FGF14: variants seen among roughly 807,000 people sequenced by gnomAD.
The protein encoded by FGF14 is fibroblast growth factor homologous factor 4.
In FGF14, 5 loss-of-function variants were observed where a neutral mutation model predicts 25.5. The observed-to-expected ratio is 0.20, with a 90% CI of 0.10 to 0.41. FGF14 has a LOEUF of 0.41. Among genes scored for constraint, FGF14 ranks in the 10% least tolerant of loss-of-function variants. The pLI, the probability that FGF14 is intolerant of heterozygous loss-of-function variation, is 1.00. For missense variants in FGF14, 222 were observed against 320.1 expected, an observed-to-expected ratio of 0.69 and a Z score of 2.34; for synonymous variants, 138 against 118.3, an observed-to-expected ratio of 1.17 and a Z score of -1.08.
At chr13:101,970,562 C>T (rs1009485291) in intron 1 of FGF14, among the ~76,000 whole-genome samples, 1 of 152,130 alleles carries the variant, frequency 6.6e-6, no homozygotes, top group Admixed American at 6.5e-5. Context: ...TTTCTTCTGT[C>T]CTGTGTCTTT....
chr13:102,177,904 A>T (rs550851745), intron 1 of FGF14, among the ~76,000 whole-genome samples: 2 of 152,116 alleles, frequency 1.3e-5, no homozygotes, highest in African/African-American at 2.4e-5. Context: ...TATATCTTCA[A>T]TAAGTATATA....
At chr13:101,753,371 T>G (rs1223311245) in intron 3 of FGF14, among the ~76,000 whole-genome samples, 3 of 152,138 alleles carry the variant, frequency 2.0e-5, no homozygotes, top group Admixed American at 1.3e-4. Flanking sequence ...ACCTAAATTC[T>G]ATTTTAGTTC....
In FGF14 at chr13:101,714,422, G is replaced by A; in HGVS notation, c.*8409C>T. On this transcript the variant is annotated 3_prime_UTR_variant, in exon 5 of 5. Coordinates refer to ENST00000376143, the MANE Select transcript of FGF14 (RefSeq NM_004115.4). ...AGTTATAAGGTGATGGTGAGTAATA[G>A]CCTTTGTAATTTCAGGTTCTTGTCA... 1.4e-6 allele frequency: 2 copies of A among 1,420,866 alleles called. No individual in the cohort carries two copies. The highest frequency in any genetic ancestry group is 2.3e-5 in the East Asian group (1 of 43,796). The allele number at this position is 1,420,866 out of a possible 1,614,324, so 88.0% of individuals were successfully genotyped here.
In FGF14 at chr13:102,257,342, C is replaced by CTTTTTTTT. The variant is rs71125058; in HGVS notation, c.208+144121_208+144128dup. ...CATGCATGTCCATTTCCTTTCTTTT[C>CTTTTTTTT]TTTTTTTTTTTTTTTTTTTTTTTTT... is the stretch of plus-strand genomic sequence containing the variant. On this transcript the variant is annotated intron_variant, in intron 1 of 4. Transcript: ENST00000376131. Among the ~76,000 whole-genome samples the CTTTTTTTT allele has an allele frequency of 5.7e-3, 186 of 32,576 alleles. 71 individuals carry two copies. Among genetic ancestry groups the CTTTTTTTT allele is most frequent in the African/African-American group, 0.014 (113 of 7,820 alleles). 21.4% of individuals were successfully genotyped at this position (32,576 alleles called of 152,430 possible).
intron 1 of FGF14, among the ~76,000 whole-genome samples, chr13:101,933,864 ATATT>A (rs2034927160): frequency 6.6e-6 from 1 of 152,082 alleles, no homozygotes; most frequent in South Asian, 2.1e-4. Flanking sequence ...ATATGTATAT[ATATT>A]TGACAAATAA....
chr13:101,965,324 G>T (rs2037124815), intron 1 of FGF14, among the ~76,000 whole-genome samples: 1 of 151,986 alleles, frequency 6.6e-6, no homozygotes, highest in Non-Finnish European at 1.5e-5. Flanking sequence ...CTTCACAGGT[G>T]GTAAGCTGCA....
Position 101,719,970 on chromosome 13 carries a change from C to T in FGF14, c.*2861G>A, listed in dbSNP as rs1012668933. 5 of 151,990 alleles carry T rather than the reference C, an allele frequency of 3.3e-5. No individual in the cohort carries two copies. The highest frequency in any genetic ancestry group is 7.4e-5 in the Non-Finnish European group (5 of 67,986). The allele number at this position is 151,990 out of a possible 1,614,324, so 9.4% of individuals were successfully genotyped here. Reference sequence around the variant, plus strand: ...TGGTAAAGGGGGAAATTGAGTTTACCAACTTATTTACATGACATTTCTCTA... The same window carrying T: ...TGGTAAAGGGGGAAATTGAGTTTACTAACTTATTTACATGACATTTCTCTA... On this transcript the variant is annotated 3_prime_UTR_variant, in exon 5 of 5. Transcript: ENST00000376143.
At chr13:101,743,352 T>C (rs1253701440) in intron 3 of FGF14, among the ~76,000 whole-genome samples, 9 of 152,210 alleles carry the variant, frequency 5.9e-5, no homozygotes, top group Admixed American at 5.2e-4. Flanking sequence ...TCAGATCTGT[T>C]TACCAATTGT....
chr13:102,321,077 G>T (rs1310050414), intron 1 of FGF14, among the ~76,000 whole-genome samples: 1 of 152,162 alleles, frequency 6.6e-6, no homozygotes, highest in African/African-American at 2.4e-5. Context: ...TTGATATTCT[G>T]TAGAAGTAAG....
intron 1 of FGF14, among the ~76,000 whole-genome samples, chr13:101,990,506 T>C (rs1004537956): frequency 2.6e-5 from 4 of 152,170 alleles, no homozygotes; most frequent in African/African-American, 7.2e-5. Context: ...TATGTCCAAT[T>C]ACATATTAAC....
chr13:102,310,685 C>CTCTCTCTCTGTG (rs369697906), intron 1 of FGF14, among the ~76,000 whole-genome samples: 2 of 6,856 alleles, frequency 2.9e-4, no homozygotes, highest in Non-Finnish European at 5.4e-4. Flanking sequence ...CTCTCTCTCT[C>CTCTCTCTCTGTG]TGTGTGTGTG....
chr13:101,817,972 T>C (rs191627914), intron 3 of FGF14, among the ~76,000 whole-genome samples: 2 of 152,180 alleles, frequency 1.3e-5, no homozygotes, highest in Non-Finnish European at 2.9e-5. Context: ...TTGTATGCCA[T>C]CTCATTTTTC....
chr13:101,875,116 TAA>T, intron 2 of FGF14, 68 bp downstream of exon 2: 2 of 1,060,464 alleles, frequency 1.9e-6, no homozygotes, highest in Non-Finnish European at 3.0e-6. Flanking sequence ...AAATGAATCT[TAA>T]AAAGTCATTT....
intron 1 of FGF14, among the ~76,000 whole-genome samples, chr13:102,141,929 A>T (rs2046659100): frequency 6.6e-6 from 1 of 152,204 alleles, no homozygotes; most frequent in South Asian, 2.1e-4. Flanking sequence ...TTTAAATCTG[A>T]GAAGAAAAAT....
chr13:102,387,014 C>A (rs1471511544), intron 1 of FGF14, among the ~76,000 whole-genome samples: 1 of 152,184 alleles, frequency 6.6e-6, no homozygotes, highest in Non-Finnish European at 1.5e-5. Context: ...AAAATGGACC[C>A]TTCCCCTTCT....
intron 1 of FGF14, among the ~76,000 whole-genome samples, chr13:102,355,209 C>T (rs535136206): frequency 1.3e-5 from 2 of 152,276 alleles, no homozygotes; most frequent in South Asian, 2.1e-4. Context: ...TGTTTTCTAA[C>T]ACAGATTCCA....
At chr13:102,240,005 C>T (rs564463534) in intron 1 of FGF14, among the ~76,000 whole-genome samples, 1 of 152,240 alleles carries the variant, frequency 6.6e-6, no homozygotes, top group African/African-American at 2.4e-5. Flanking sequence ...GAAAGGCTCT[C>T]TTTAAAAGGC....
intron 1 of FGF14, among the ~76,000 whole-genome samples, chr13:102,082,248 A>AC (rs1258204922): frequency 6.6e-6 from 1 of 152,066 alleles, no homozygotes; most frequent in African/African-American, 2.4e-5. Flanking sequence ...AAAAAAAAAA[A>AC]AAAACAGTGT....
chr13:101,944,027 A>G (rs2035647799), intron 1 of FGF14, among the ~76,000 whole-genome samples: 1 of 147,228 alleles, frequency 6.8e-6, no homozygotes, highest in Non-Finnish European at 1.5e-5. Flanking sequence ...AAAAAAAAAC[A>G]TGGTAAAAAA....
Sources: gnomAD v4.1 joint callset for allele counts (sites outside exome capture counted in the v4.1 genomes callset) on GRCh38, gnomAD v4.1.1 for gene constraint, MANE v1.5 for transcripts, NCBI Gene and HGNC (gene_info 2026-07-23, HGNC 2026-07-21) for gene names.